HEATR5B: variants seen among roughly 807,000 people sequenced by gnomAD.
The protein encoded by HEATR5B is HEAT repeat containing 5B, also known as HEAT repeat-containing protein 5B.
Under a neutral mutation model 224.1 loss-of-function variants are expected in HEATR5B, and 156 were observed. That is an observed-to-expected ratio of 0.70 (90% CI 0.61 to 0.80). The LOEUF (loss-of-function observed/expected upper bound fraction) is 0.80, where lower values mean the gene tolerates loss of function less well. Among genes scored for constraint, HEATR5B ranks in the 30% least tolerant of loss-of-function variants. The pLI is 0.00. For synonymous variants in HEATR5B, 1,027 were observed against 893.0 expected, an observed-to-expected ratio of 1.15 and a Z score of -2.68; for missense variants, 2,323 against 2,535.5, an observed-to-expected ratio of 0.92 and a Z score of 1.80.
chr2:36,989,837 T>G (rs1666198988), intron 34 of HEATR5B, among the ~76,000 whole-genome samples: 1 of 151,520 alleles, frequency 6.6e-6, no homozygotes, highest in African/African-American at 2.4e-5. Context: ...TATACAGATC[T>G]TGGAGCCACC....
At chr2:37,079,984 T>C (rs1460328544) in intron 2 of HEATR5B, among the ~76,000 whole-genome samples, 1 of 152,168 alleles carries the variant, frequency 6.6e-6, no homozygotes, top group Non-Finnish European at 1.5e-5. Flanking sequence ...GTTACTGTTT[T>C]ACGTGGATTA....
chr2:37,005,807 T>C, intron 29 of HEATR5B, 48 bp from the exon 30 acceptor site: 1 of 1,429,810 alleles, frequency 7.0e-7, no homozygotes. Context: ...TAAAACACTT[T>C]ATGTTGTTTG....
chr2:36,992,182 A>G (rs548161274), intron 33 of HEATR5B, among the ~76,000 whole-genome samples: 147 of 152,300 alleles, frequency 9.7e-4, no homozygotes, highest in African/African-American at 3.5e-3. Context: ...TGGGTGACAG[A>G]GTGAGACTCA....
At chr2:37,007,365 AC>A in intron 28 of HEATR5B, 61 bp from the exon 29 acceptor site, 3 of 1,377,430 alleles carry the variant, frequency 2.2e-6, no homozygotes, top group Non-Finnish European at 2.8e-6. Context: ...TTTTTTTGAG[AC>A]CAAGTCTCGT....
At chr2:37,046,477 A>G (rs1452279857) in intron 18 of HEATR5B, among the ~76,000 whole-genome samples, 1 of 151,846 alleles carries the variant, frequency 6.6e-6, no homozygotes, top group Non-Finnish European at 1.5e-5. Flanking sequence ...CATCTCTACT[A>G]AAAATATAAA....
Position 37,049,784 on chromosome 2 carries a change from T to C in HEATR5B, c.2565A>G (p.Thr855=), listed in dbSNP as rs1460332638. ...GPEEVRKSAL[T]LVMGPLDNPN... ...GGTTGTCCAGAGGACCCATAACCAGTGTCAGGGCAGATTTACGAACTTCCT... is the reference window on the plus strand; with the variant it reads ...GGTTGTCCAGAGGACCCATAACCAGCGTCAGGGCAGATTTACGAACTTCCT... The change falls in exon 18 of 36, where the codon ACA becomes ACG. Residue 855 remains threonine, a synonymous_variant. Coordinates refer to ENST00000233099, the MANE Select transcript of HEATR5B (RefSeq NM_019024.3). 1 of 1,609,942 alleles carries C rather than the reference T, an allele frequency of 6.2e-7. No homozygotes were observed. The highest frequency in any genetic ancestry group is 8.5e-7 in the Non-Finnish European group (1 of 1,179,542).
chr2:37,056,072 T>G (rs974816412), intron 16 of HEATR5B, among the ~76,000 whole-genome samples: 2 of 152,220 alleles, frequency 1.3e-5, no homozygotes, highest in East Asian at 3.8e-4. Context: ...ATGTCCTTAA[T>G]TTAAGATATA....
In HEATR5B at chr2:37,049,849, T is replaced by TA; in HGVS notation, c.2506-7_2506-6insT. On this transcript the variant is annotated splice_polypyrimidine_tract_variant and splice_region_variant and intron_variant, in intron 17 of 35. Transcript: ENST00000233099. The stretch of plus-strand genomic sequence containing the variant: ...CTTTTGTTTTCAGCTAAGCCCTACA[T>TA]TAAAAAAAAAAAAAAAAAAAAGACA... 1 of 923,222 alleles carries TA rather than the reference T, an allele frequency of 1.1e-6. No homozygotes were observed. The allele number at this position is 923,222 out of a possible 1,614,324, so 57.2% of individuals were successfully genotyped here.
intron 24 of HEATR5B, among the ~76,000 whole-genome samples, chr2:37,027,006 C>A (rs1668822758): frequency 6.6e-6 from 1 of 152,124 alleles, no homozygotes; most frequent in Admixed American, 6.6e-5. Flanking sequence ...AGCATGTTGG[C>A]CAGGCTGGTT....
chr2:37,046,585 G>C (rs1327606960), intron 18 of HEATR5B, among the ~76,000 whole-genome samples: 1 of 150,216 alleles, frequency 6.7e-6, no homozygotes, highest in African/African-American at 2.5e-5. Context: ...GTTGCAGTGA[G>C]CTGAGATTGC....
At chr2:37,020,015 T>C in intron 25 of HEATR5B, 138 bp from the exon 26 acceptor site, 2 of 571,806 alleles carry the variant, frequency 3.5e-6, no homozygotes, top group Non-Finnish European at 6.1e-6. Context: ...GCGATTCTCC[T>C]CCCTCAGCCT....
chr2:37,006,204 A>G (rs1431754278), intron 29 of HEATR5B, among the ~76,000 whole-genome samples: 1 of 152,208 alleles, frequency 6.6e-6, no homozygotes. Flanking sequence ...ACATAGGGGT[A>G]AAGTCATTGT....
chr2:37,083,670 G>A (rs552934606), intron 1 of HEATR5B, among the ~76,000 whole-genome samples: 1 of 152,100 alleles, frequency 6.6e-6, no homozygotes, highest in African/African-American at 2.4e-5. Context: ...AAAATTAAAA[G>A]AAATTATTGC....
At chr2:37,069,929 G>C (rs796104864) in intron 7 of HEATR5B, among the ~76,000 whole-genome samples, 1 of 138,200 alleles carries the variant, frequency 7.2e-6, no homozygotes, top group Non-Finnish European at 1.5e-5. Flanking sequence ...ATGGAGTCTC[G>C]CTCTGTCACC....
chr2:37,083,138 G>A (rs765512282), intron 2 of HEATR5B, 151 bp downstream of exon 2: 51 of 805,472 alleles, frequency 6.3e-5, no homozygotes, highest in South Asian at 9.7e-5. Flanking sequence ...CGAGGTTTGA[G>A]TTTTGCCACT....
rs1451776704 is a variant in HEATR5B, at chr2:37,002,337, G to A, written c.5286C>T (p.Leu1762=). The change falls in exon 32 of 36, where the codon CTC becomes CTT. Residue 1762 remains leucine (L), a synonymous_variant. Coordinates refer to ENST00000233099, the MANE Select transcript of HEATR5B (RefSeq NM_019024.3). ...ARLVAATVTI[L]SDLPSLCSPA... ...GTGAACAAAGGGATGGTAAATCAGA[G>A]AGTATGGTAACTGTGGCTGCCACCA... is the stretch of plus-strand genomic sequence containing the variant. 1.2e-6 allele frequency: 2 copies of A among 1,614,222 alleles called. No homozygotes were observed. Among genetic ancestry groups the A allele is most frequent in the African/African-American group, 1.3e-5 (1 of 75,052 alleles).
chr2:37,041,429 C>T, intron 18 of HEATR5B, 137 bp from the exon 19 acceptor site: 1 of 742,878 alleles, frequency 1.3e-6, no homozygotes, highest in South Asian at 1.9e-5. Flanking sequence ...TCTCCACTCC[C>T]TAACAGGAGT....
chr2:37,014,129 A>C (rs1324579816), intron 26 of HEATR5B, 109 bp from the exon 27 acceptor site: 3 of 536,062 alleles, frequency 5.6e-6, no homozygotes, highest in Non-Finnish European at 9.8e-6. Context: ...CCAAAGAACA[A>C]AACAAAATAA....
At chr2:37,059,120 A>C (rs923278300) in intron 12 of HEATR5B, 133 bp from the exon 13 acceptor site, 2 of 474,956 alleles carry the variant, frequency 4.2e-6, no homozygotes, top group African/African-American at 4.0e-5. Context: ...AACCATGTCG[A>C]ACCAAAAGAA....
Sources: allele counts gnomAD v4.1 joint callset (sites outside exome capture counted in the v4.1 genomes callset), GRCh38; gene constraint gnomAD v4.1.1; transcripts MANE v1.5; gene names NCBI Gene and HGNC (gene_info 2026-07-23, HGNC 2026-07-21).